Variants in SV2C observed in about 807,000 individuals in gnomAD.
The protein encoded by SV2C is solute carrier family 22 member B3.
A neutral mutation model predicts 79.7 loss-of-function variants in SV2C; 49 were observed. The ratio of observed to expected loss-of-function variants is 0.61; its 90% confidence interval spans 0.49 to 0.78. SV2C has a LOEUF of 0.78. Ranked by LOEUF, SV2C falls within the 30% of genes least tolerant of loss-of-function variation. The pLI is 0.00. For synonymous variants in SV2C, 334 were observed against 333.2 expected, an observed-to-expected ratio of 1.00 and a Z score of -0.03; for missense variants, 833 against 912.9, an observed-to-expected ratio of 0.91 and a Z score of 1.13.
At chr5:76,182,719 C>G (rs376006488) in intron 2 of SV2C, among the ~76,000 whole-genome samples, 2 of 152,142 alleles carry the variant, frequency 1.3e-5, no homozygotes, top group Admixed American at 1.3e-4. Context: ...TTCTCCCTCC[C>G]TGTGTTTGGC....
intron 2 of SV2C, among the ~76,000 whole-genome samples, chr5:76,148,380 T>A (rs536019497): frequency 6.6e-6 from 1 of 152,162 alleles, no homozygotes; most frequent in African/African-American, 2.4e-5. Context: ...GATTTAAAAT[T>A]TTTAACTCCC....
At chr5:76,208,864 C>T (rs1744687632) in intron 3 of SV2C, among the ~76,000 whole-genome samples, 2 of 152,122 alleles carry the variant, frequency 1.3e-5, no homozygotes, top group Admixed American at 6.5e-5. Context: ...CTTTTTGAGG[C>T]AGTGGTTCCT....
intron 2 of SV2C, among the ~76,000 whole-genome samples, chr5:76,167,653 G>T (rs536619047): frequency 6.6e-6 from 1 of 152,188 alleles, no homozygotes; most frequent in African/African-American, 2.4e-5. Flanking sequence ...TTTTACAATT[G>T]ATGAAAATGA....
intron 2 of SV2C, among the ~76,000 whole-genome samples, chr5:76,181,141 C>T (rs1042771421): frequency 5.3e-5 from 8 of 152,154 alleles, no homozygotes; most frequent in Admixed American, 1.3e-4. Flanking sequence ...CTCAGGCAAA[C>T]GCTTCCTCTA....
At chr5:75,894,342 C>T in the SV2C span, among the ~76,000 whole-genome samples, 4 of 152,156 alleles carry the variant, frequency 2.6e-5, no homozygotes, top group South Asian at 2.1e-4. Context: ...GTGGTTTTTA[C>T]AAGAAAACTA....
intron 4 of SV2C, chr5:76,242,251 G>A (rs879094301): frequency 1.8e-6 from 2 of 1,083,450 alleles, no homozygotes; most frequent in Non-Finnish European, 2.8e-6. Context: ...CCTTCACCTT[G>A]GCTTTATCTC....
At chr5:76,171,945 A>G (rs1743290510) in intron 2 of SV2C, among the ~76,000 whole-genome samples, 1 of 115,730 alleles carries the variant, frequency 8.6e-6, no homozygotes, top group African/African-American at 3.2e-5. Context: ...TAGGGGGGTC[A>G]GCCCCCCGCC....
chr5:75,881,681 C>A, the SV2C span, among the ~76,000 whole-genome samples: 1 of 152,056 alleles, frequency 6.6e-6, no homozygotes, highest in Non-Finnish European at 1.5e-5. Context: ...TGCTTATCAG[C>A]TTAAGGAGAT....
intron 12 of SV2C, among the ~76,000 whole-genome samples, chr5:76,342,193 G>A (rs372790795): frequency 2.6e-5 from 4 of 152,300 alleles, no homozygotes; most frequent in South Asian, 4.2e-4. Context: ...CAGGCCGTGA[G>A]TACACAGTAC....
the SV2C span, among the ~76,000 whole-genome samples, chr5:75,920,476 A>C: frequency 1.3e-5 from 2 of 151,974 alleles, no homozygotes; most frequent in Middle Eastern, 3.4e-3. Context: ...ATTTTAAGAA[A>C]CCCCCCCAAC....
chr5:76,207,927 G>A (rs1744654391), intron 3 of SV2C, among the ~76,000 whole-genome samples: 1 of 152,224 alleles, frequency 6.6e-6, no homozygotes, highest in Non-Finnish European at 1.5e-5. Flanking sequence ...AATTGTATGA[G>A]TCTAATACGG....
rs367822876 is a variant in SV2C, at chr5:76,343,792, A to G, written c.2001-9338A>G. Among the ~76,000 whole-genome samples the G allele has an allele frequency of 3.0e-4, 45 of 152,344 alleles. 1 individual carries two copies. The East Asian group carries it at 4.8e-3, about 16-fold the overall frequency. On this transcript the variant is annotated intron_variant, in intron 12 of 12. Transcript: ENST00000322285. ...ACATCATGGAAAAATGCTGCCTTTCATGTGGATCGCTTGAGCCCAGGAGTT... is the reference window on the plus strand; with the variant it reads ...ACATCATGGAAAAATGCTGCCTTTCGTGTGGATCGCTTGAGCCCAGGAGTT...
At chr5:76,271,489 A>C (rs1357851151) in intron 4 of SV2C, among the ~76,000 whole-genome samples, 2 of 152,218 alleles carry the variant, frequency 1.3e-5, no homozygotes, top group Middle Eastern at 3.2e-3. Context: ...GTATGTAGAC[A>C]CTGCACCCAA....
chr5:76,016,113 G>A, the SV2C span, among the ~76,000 whole-genome samples: 8 of 151,864 alleles, frequency 5.3e-5, no homozygotes, highest in African/African-American at 1.9e-4. Context: ...TTTCATCTCT[G>A]CTTTCCACTG....
chr5:75,914,725 T>C, the SV2C span, among the ~76,000 whole-genome samples: 8 of 152,260 alleles, frequency 5.3e-5, no homozygotes, highest in Admixed American at 2.0e-4. Context: ...ATCTATCTTA[T>C]AATGATAGTC....
chr5:75,951,544 A>G, the SV2C span, among the ~76,000 whole-genome samples: 4 of 152,118 alleles, frequency 2.6e-5, no homozygotes, highest in South Asian at 4.1e-4. Context: ...AGGAACTCCA[A>G]TCCATGCTTC....
chr5:75,907,308 T>G, the SV2C span, among the ~76,000 whole-genome samples: 1 of 152,324 alleles, frequency 6.6e-6, no homozygotes, highest in East Asian at 1.9e-4. Context: ...TGAGGCAATC[T>G]TGATCATGGC....
the SV2C span, among the ~76,000 whole-genome samples, chr5:75,932,812 C>A: frequency 5.3e-5 from 8 of 152,186 alleles, no homozygotes; most frequent in Non-Finnish European, 1.2e-4. Context: ...CTGTTTATGG[C>A]CAGTTTCTTT....
the SV2C span, among the ~76,000 whole-genome samples, chr5:76,024,425 A>G: frequency 6.6e-6 from 1 of 152,062 alleles, no homozygotes; most frequent in African/African-American, 2.4e-5. Context: ...TCACTTATTT[A>G]TTGGTCATTT....
Sources: gnomAD v4.1 joint callset for allele counts (sites outside exome capture counted in the v4.1 genomes callset) on GRCh38, gnomAD v4.1.1 for gene constraint, MANE v1.5 for transcripts, NCBI Gene and HGNC (gene_info 2026-07-23, HGNC 2026-07-21) for gene names.